The following ERAP2 variants were observed in gnomAD, a reference collection of about 807,000 sequenced individuals.
The protein encoded by ERAP2 is leukocyte-derived arginine aminopeptidase.
ERAP2 carries 118 observed loss-of-function variants against 111.1 expected under a neutral mutation model. That is an observed-to-expected ratio of 1.06 (90% CI 0.92 to 1.24). The LOEUF is 1.24. Ranked by LOEUF, ERAP2 falls within the 50% of genes most tolerant of loss-of-function variation. ERAP2 has a pLI of 0.00. For missense variants in ERAP2, 1,131 were observed against 1,125.8 expected (o/e 1.00, Z -0.07); for synonymous variants, 410 against 401.2 (o/e 1.02, Z -0.26).
At chr5:96,916,880 T>C (rs974340335) in intron 18 of ERAP2, among the ~76,000 whole-genome samples, 5 of 152,106 alleles carry the variant, frequency 3.3e-5, no homozygotes, top group African/African-American at 1.2e-4. Context: ...CAGCTCACCA[T>C]TTACTCTATG....
At chr5:96,895,718 A>G (rs537717190) in intron 7 of ERAP2, among the ~76,000 whole-genome samples, 36 of 152,308 alleles carry the variant, frequency 2.4e-4, no homozygotes, top group Admixed American at 1.8e-3. Context: ...CCTGAAATCA[A>G]CATCATTGGG....
Position 96,917,905 on chromosome 5 carries a change from C to CAAAAAAAAAAAA in ERAP2, c.*312_*323dup, listed in dbSNP as rs36015159. 44 of 49,496 alleles carry CAAAAAAAAAAAA rather than the reference C, an allele frequency of 8.9e-4. No individual in the cohort carries two copies. The highest frequency in any genetic ancestry group is 1.3e-3 in the Non-Finnish European group (32 of 25,336). The allele number at this position is 49,496 out of a possible 1,614,324, so 3.1% of individuals were successfully genotyped here. A position where few individuals can be genotyped will look rare whatever the true frequency, so the allele number is the denominator to read the frequency against. ...TGGGTGACTGAGCGAGACTCTGTCT[C>CAAAAAAAAAAAA]AAAAAAAAAAAAAAAAAAAAAAAGA... On this transcript the variant is annotated 3_prime_UTR_variant, in exon 19 of 19. Transcript: ENST00000437043.
At chr5:96,917,053 C>T (rs1008624424) in intron 18 of ERAP2, among the ~76,000 whole-genome samples, 1 of 152,098 alleles carries the variant, frequency 6.6e-6, no homozygotes, top group Non-Finnish European at 1.5e-5. Flanking sequence ...ATGCCTATAC[C>T]TGTGTGTATG....
At position 96,896,393 on chromosome 5, in the gene ERAP2, G is replaced by T. The variant is rs1486869907; in HGVS notation, c.1260G>T (p.Val420=). ...TTTAGGATGACTATTTTTTGAATGT[G>T]TGTTTTGAAGTAATTACAAAAGATT... ...ELQFDDYFLN[V]CFEVITKDSL... The change falls in exon 8 of 19, where the codon GTG becomes GTT. Residue 420 remains valine (V), a synonymous_variant. Coordinates refer to ENST00000437043, the MANE Select transcript of ERAP2 (RefSeq NM_022350.5). 2 of 1,609,250 alleles carry T rather than the reference G, an allele frequency of 1.2e-6. No homozygotes were observed. The highest frequency in any genetic ancestry group is 1.1e-5 in the South Asian group (1 of 90,370).
Position 96,883,827 on chromosome 5 carries a change from C to T in ERAP2, c.611C>T (p.Ala204Val). 5 of 1,613,208 alleles carry T rather than the reference C, an allele frequency of 3.1e-6. No individual in the cohort carries two copies. The highest frequency in any genetic ancestry group is 1.7e-5 in the Admixed American group (1 of 59,826). ...GTAACAGATTTTGAGCCAACCCAGG[C>T]ACGCATGGCTTTCCCTTGCTTTGAT... ...LAVTDFEPTQ[A>V]RMAFPCFDEP... Residue 204 changes from alanine (A) to valine (V), a missense_variant, in exon 3 of 19, where the codon GCA becomes GTA. By Grantham distance (64) the Ala-to-Val change is moderately conservative. Coordinates refer to ENST00000437043, the MANE Select transcript of ERAP2 (RefSeq NM_022350.5).
intron 17 of ERAP2, among the ~76,000 whole-genome samples, chr5:96,914,305 T>C (rs1412402640): frequency 6.6e-6 from 1 of 152,184 alleles, no homozygotes; most frequent in East Asian, 1.9e-4. Flanking sequence ...ATCCCTGATA[T>C]CATTAATTCC....
rs1294658597 is a variant in ERAP2 at position 96,912,753 on chromosome 5, T to G, written c.2471T>G (p.Ile824Ser). 18 of 1,600,476 alleles carry G rather than the reference T, an allele frequency of 1.1e-5. No homozygotes were observed. Among genetic ancestry groups the G allele is most frequent in the Non-Finnish European group, 1.4e-5 (17 of 1,176,704 alleles). The change falls in exon 16 of 19, where the codon ATT (isoleucine) becomes AGT (serine). Residue 824 changes from isoleucine (I) to serine (S), a missense_variant. By Grantham distance (142) the Ile-to-Ser change is moderately radical (BLOSUM62 -2). Coordinates refer to ENST00000437043, the MANE Select transcript of ERAP2 (RefSeq NM_022350.5). ...ATGTCAAGTGCTGAACAAAACAAAA[T>G]TCTGTATGCTTTGTCAACGAGCAAG... The part of the protein sequence containing the change: ...LSMSSAEQNK[I>S]LYALSTSKHQ...
chr5:96,902,188 C>T (rs575902687), intron 11 of ERAP2, 86 bp from the exon 12 acceptor site: 1 of 884,338 alleles, frequency 1.1e-6, no homozygotes, highest in Non-Finnish European at 1.9e-6. Context: ...TACTTAGGTG[C>T]CTTTTACAGT....
chr5:96,916,411 C>T (rs148335911), intron 18 of ERAP2, among the ~76,000 whole-genome samples: 1 of 148,906 alleles, frequency 6.7e-6, no homozygotes, highest in Non-Finnish European at 1.5e-5. Flanking sequence ...TGGAAGCGTA[C>T]TTAATGATCT....
At chr5:96,908,155 C>T (rs2112328422) in intron 13 of ERAP2, among the ~76,000 whole-genome samples, 1 of 152,204 alleles carries the variant, frequency 6.6e-6, no homozygotes, top group South Asian at 2.1e-4. Context: ...AGAGGAGACA[C>T]CCTTTGTTCT....
chr5:96,912,064 C>A (rs1298762013), intron 15 of ERAP2, among the ~76,000 whole-genome samples: 1 of 150,382 alleles, frequency 6.6e-6, no homozygotes, highest in Non-Finnish European at 1.5e-5. Flanking sequence ...GTGGCGGGCG[C>A]CTGTAGTCCC....
Position 96,913,405 on chromosome 5 carries a change from C to A in ERAP2, c.2605C>A (p.Gln869Lys), listed in dbSNP as rs968321958. 1 of 1,613,992 alleles carries A rather than the reference C, an allele frequency of 6.2e-7. No individual in the cohort carries two copies. Among genetic ancestry groups the A allele is most frequent in the Non-Finnish European group, 8.5e-7 (1 of 1,179,996 alleles). ...LHAIARRPKG[Q>K]QLAWDFVREN... ...TGCGATTGCCAGACGTCCAAAGGGG[C>A]AGCAACTAGCATGGGATTTTGTAAG... The change falls in exon 17 of 19, where the codon CAG becomes AAG. Residue 869 changes from glutamine to lysine, a missense_variant. This residue lies in a region of ERAP2 where 279 missense variants were observed against 250.9 expected (regional missense o/e 1.11). Transcript: ENST00000437043.
intron 15 of ERAP2, among the ~76,000 whole-genome samples, chr5:96,910,709 A>G (rs1425513866): frequency 6.6e-6 from 1 of 152,248 alleles, no homozygotes; most frequent in African/African-American, 2.4e-5. Context: ...ATTTATGCTC[A>G]CAATCAAAAA....
intron 5 of ERAP2, among the ~76,000 whole-genome samples, chr5:96,891,092 T>C (rs1329839104): frequency 6.6e-6 from 1 of 152,176 alleles, no homozygotes; most frequent in East Asian, 1.9e-4. Context: ...AGCGCTAATT[T>C]AGTTTTTGAT....
chr5:96,906,785 A>T (rs1247662307), intron 13 of ERAP2, among the ~76,000 whole-genome samples: 2 of 152,370 alleles, frequency 1.3e-5, no homozygotes, highest in African/African-American at 4.8e-5. Flanking sequence ...TAATCCCAGT[A>T]CTTCGTGAGG....
At chr5:96,913,160 T>TA (rs1208794691) in intron 16 of ERAP2, among the ~76,000 whole-genome samples, 157 bp from the exon 17 acceptor site, 1 of 152,194 alleles carries the variant, frequency 6.6e-6, no homozygotes, top group African/African-American at 2.4e-5. Flanking sequence ...AAATTATTTC[T>TA]AAAAAAGTAA....
chr5:96,909,138 A>G (rs1786427765), intron 14 of ERAP2, 21 bp downstream of exon 14: 2 of 1,609,930 alleles, frequency 1.2e-6, no homozygotes, highest in Middle Eastern at 1.6e-4. Context: ...CTTTTAGAAA[A>G]TGTATTAAGT....
chr5:96,876,933 A>G (rs17087119), intron 1 of ERAP2, among the ~76,000 whole-genome samples: 4,669 of 152,156 alleles, frequency 0.031, 103 homozygotes, highest in Middle Eastern at 0.11. Flanking sequence ...AGAAGTCACC[A>G]TCCTGTTCCT....
intron 4 of ERAP2, among the ~76,000 whole-genome samples, chr5:96,887,980 C>A (rs1291868563): frequency 6.6e-6 from 1 of 151,866 alleles, no homozygotes; most frequent in Non-Finnish European, 1.5e-5. Flanking sequence ...CAAAAATTAG[C>A]CAGGCATGGT....
Sources: gnomAD v4.1 joint callset for allele counts (sites outside exome capture counted in the v4.1 genomes callset) on GRCh38, gnomAD v4.1.1 for gene constraint, gnomAD v4.1.1 regional missense constraint, MANE v1.5 for transcripts, NCBI Gene and HGNC (gene_info 2026-07-23, HGNC 2026-07-21) for gene names.